The following XRRA1 variants were observed in gnomAD, a reference collection of about 807,000 sequenced individuals.
XRRA1 encodes the protein X-ray radiation resistance-associated protein 1.
A neutral mutation model predicts 80.2 loss-of-function variants in XRRA1; 69 were observed. The ratio of observed to expected loss-of-function variants is 0.86; its 90% CI spans 0.71 to 1.05. The LOEUF (loss-of-function observed/expected upper bound fraction) is 1.05. XRRA1 is among the 50% of genes least tolerant of loss of function. The pLI is 0.00. For missense variants in XRRA1, 967 were observed against 976.4 expected, an observed-to-expected ratio of 0.99 and a Z score of 0.13; for synonymous variants, 348 against 389.9, an observed-to-expected ratio of 0.89 and a Z score of 1.27.
At chr11:74,931,893 A>G (rs1437775598) in intron 5 of XRRA1, 4 of 152,102 alleles carry the variant, frequency 2.6e-5, no homozygotes, top group African/African-American at 7.2e-5. Context: ...GAGAAGTCCT[A>G]TTTCTTTAAA....
At chr11:74,865,287 T>A (rs61894785) in intron 10 of XRRA1, among the ~76,000 whole-genome samples, 3 of 151,798 alleles carry the variant, frequency 2.0e-5, no homozygotes, top group East Asian at 1.9e-4. Context: ...AGATCCTGTG[T>A]GGGCCCAGTC....
At chr11:74,856,522 G>A (rs1312194626) in intron 12 of XRRA1, among the ~76,000 whole-genome samples, 1 of 152,206 alleles carries the variant, frequency 6.6e-6, no homozygotes, top group Non-Finnish European at 1.5e-5. Context: ...GGAGAGATGG[G>A]ACACAGACAC....
chr11:74,936,530 G>A (rs1591593175), intron 4 of XRRA1, among the ~76,000 whole-genome samples: 1 of 152,222 alleles, frequency 6.6e-6, no homozygotes. Context: ...TAATGTAAAA[G>A]TACAGGCTTT....
At chr11:74,912,235 T>C (rs1014257495) in intron 8 of XRRA1, among the ~76,000 whole-genome samples, 2 of 152,206 alleles carry the variant, frequency 1.3e-5, no homozygotes, top group African/African-American at 4.8e-5. Context: ...AACTCTTCCC[T>C]GAGTAAAAAA....
chr11:74,927,633 C>T (rs1942584301), intron 6 of XRRA1, 145 bp from the exon 7 acceptor site: 2 of 502,184 alleles, frequency 4.0e-6, no homozygotes, highest in Admixed American at 3.7e-5. Flanking sequence ...AAATCTCTAA[C>T]AACCCAGAAA....
At chr11:74,947,782 C>A (rs533442367) in intron 1 of XRRA1, among the ~76,000 whole-genome samples, 4 of 151,938 alleles carry the variant, frequency 2.6e-5, no homozygotes, top group Non-Finnish European at 4.4e-5. Flanking sequence ...ATTTTCTTTT[C>A]TTTCTGATCT....
Position 74,906,325 on chromosome 11 carries a change from A to G in XRRA1, c.917T>C (p.Leu306Pro). 1 of 1,614,024 alleles carries G rather than the reference A, an allele frequency of 6.2e-7. No homozygotes were observed. ...GSPHKEPQFM[L>P]QSKPRMLEDS... ...CTCAAGCATCCTTGGCTTGGACTGC[A>G]GCATGAATTGGGGCTCTTTATGGGG... The change falls in exon 10 of 19, where the codon CTG becomes CCG. Residue 306 changes from leucine (L) to proline (P), a missense_variant. Leu to Pro is a moderately conservative substitution (Grantham distance 98, BLOSUM62 -3). Coordinates refer to ENST00000684022, the MANE Select transcript of XRRA1 (RefSeq NM_001378157.1).
chr11:74,893,710 G>A (rs1041771966), intron 10 of XRRA1, among the ~76,000 whole-genome samples: 83 of 152,152 alleles, frequency 5.5e-4, no homozygotes, highest in African/African-American at 2.0e-3. Context: ...ATGTACGCCA[G>A]TCAGAATTAC....
At chr11:74,920,493 G>C (rs1444139971) in intron 8 of XRRA1, among the ~76,000 whole-genome samples, 1 of 152,190 alleles carries the variant, frequency 6.6e-6, no homozygotes, top group Non-Finnish European at 1.5e-5. Flanking sequence ...TAAGAGGCAT[G>C]GGCTAAAGCA....
chr11:74,933,663 A>T, intron 5 of XRRA1, 138 bp downstream of exon 5: 1 of 674,824 alleles, frequency 1.5e-6, no homozygotes, highest in Non-Finnish European at 2.5e-6. Flanking sequence ...TCCTTGTCTG[A>T]CTCTCCTCTC....
chr11:74,912,780 A>G lies in XRRA1; in HGVS notation c.657-5507T>C, dbSNP rs540084733. On this transcript the variant is annotated intron_variant, in intron 8 of 18. Transcript: ENST00000684022. ...AACTTAAAACTAATTAAGCTTAAAT[A>G]AAATTGAACATTCAGTTCCTGTATC... Among the ~76,000 whole-genome samples the G allele has an allele frequency of 3.9e-5, 6 of 152,356 alleles. No homozygotes were observed. The South Asian group carries it at 1.2e-3, about 32-fold the overall frequency.
intron 8 of XRRA1, chr11:74,919,608 G>T: frequency 1.8e-6 from 1 of 544,508 alleles, no homozygotes; most frequent in Non-Finnish European, 3.6e-6. Flanking sequence ...GAAGAAGGGT[G>T]GCAAGAAGAA....
At chr11:74,910,065 G>A (rs2055511191) in intron 8 of XRRA1, 1 of 152,154 alleles carries the variant, frequency 6.6e-6, no homozygotes, top group South Asian at 2.1e-4. Context: ...CTTTCGATTA[G>A]GCTAAAAATA....
intron 10 of XRRA1, among the ~76,000 whole-genome samples, chr11:74,904,584 AAAG>A (rs1302412665): frequency 2.6e-5 from 4 of 152,136 alleles, no homozygotes; most frequent in Non-Finnish European, 4.4e-5. Context: ...AGAAGAAAAA[AAAG>A]AAAAAGCATA....
chr11:74,904,949 T>C (rs1483924858), intron 10 of XRRA1, among the ~76,000 whole-genome samples: 3 of 144,440 alleles, frequency 2.1e-5, no homozygotes, highest in South Asian at 4.4e-4. Context: ...TCTACAACAG[T>C]GGGGACAGAC....
intron 8 of XRRA1, chr11:74,909,763 A>G (rs1049130173): frequency 6.6e-6 from 1 of 152,146 alleles, no homozygotes; most frequent in Non-Finnish European, 1.5e-5. Flanking sequence ...GAGTGGTGCT[A>G]TTTTTATTAT....
intron 10 of XRRA1, among the ~76,000 whole-genome samples, chr11:74,883,800 G>T (rs2048340313): frequency 6.6e-6 from 1 of 152,306 alleles, no homozygotes; most frequent in African/African-American, 2.4e-5. Flanking sequence ...ACTCCTCAGG[G>T]GGGAAATATG....
intron 13 of XRRA1, among the ~76,000 whole-genome samples, chr11:74,851,417 T>C (rs2135554174): frequency 6.6e-6 from 1 of 152,250 alleles, no homozygotes; most frequent in Non-Finnish European, 1.5e-5. Flanking sequence ...ACAGAGAGGC[T>C]AAGGAATTTG....
At chr11:74,851,234 A>G in intron 13 of XRRA1, 31 bp from the exon 14 acceptor site, 1 of 1,532,772 alleles carries the variant, frequency 6.5e-7, no homozygotes, top group Non-Finnish European at 8.9e-7. Flanking sequence ...TAAGATTACT[A>G]TTAGCTAAAA....
Sources: gnomAD v4.1 joint callset for allele counts (sites outside exome capture counted in the v4.1 genomes callset) on GRCh38, gnomAD v4.1.1 for gene constraint, MANE v1.5 for transcripts, NCBI Gene and HGNC (gene_info 2026-07-23, HGNC 2026-07-21) for gene names.